The following VPS13B variants were observed in gnomAD, a reference collection of about 807,000 sequenced individuals.
VPS13B encodes the protein intermembrane lipid transfer protein VPS13B.
A neutral mutation model predicts 426.4 loss-of-function variants in VPS13B; 285 were observed. The ratio of observed to expected loss-of-function variants is 0.67; its 90% CI spans 0.61 to 0.74. The LOEUF is 0.74. VPS13B is among the 30% of genes least tolerant of loss of function. VPS13B has a pLI of 0.00. For synonymous variants in VPS13B, 1,676 were observed against 1,676.4 expected, an observed-to-expected ratio of 1.00 and a Z score of 0.01; for missense variants, 4,537 against 4,782.6, an observed-to-expected ratio of 0.95 and a Z score of 1.51.
chr8:99,149,677 C>T (rs1810953051), intron 14 of VPS13B, among the ~76,000 whole-genome samples: 1 of 150,718 alleles, frequency 6.6e-6, no homozygotes, highest in East Asian at 2.0e-4. Flanking sequence ...GATCAGGGGT[C>T]CCCAACTCCT....
chr8:99,106,297 C>T (rs1301441151), intron 5 of VPS13B, among the ~76,000 whole-genome samples: 3 of 151,282 alleles, frequency 2.0e-5, no homozygotes, highest in Non-Finnish European at 4.4e-5. Flanking sequence ...TAGCTGGGCA[C>T]GGTGGCAGGT....
At position 99,478,447 on chromosome 8, in the gene VPS13B, G is replaced by GTTTTTTT. The variant is rs56261645; in HGVS notation, c.3667-3140_3667-3134dup. ...TTTGAGACAGTTGTTTTTTTGTTTT[G>GTTTTTTT]TTTTTTTTTTTTTTTTTTGTTTTTT... On this transcript the variant is annotated intron_variant, in intron 24 of 61. Coordinates refer to ENST00000357162, the MANE Select transcript of VPS13B (RefSeq NM_152564.5). 2.1e-3 allele frequency among the ~76,000 whole-genome samples: 179 copies of GTTTTTTT among 85,730 alleles called. 1 individual carries two copies. The highest frequency in any genetic ancestry group is 2.5e-3 in the Non-Finnish European group (117 of 47,332). 56.2% of individuals were successfully genotyped at this position (85,730 alleles called of 152,430 possible). A position where few individuals can be genotyped will look rare whatever the true frequency, so the allele number is the denominator to read the frequency against.
intron 39 of VPS13B, among the ~76,000 whole-genome samples, chr8:99,731,122 C>A (rs1407704981): frequency 1.3e-5 from 2 of 152,148 alleles, no homozygotes; most frequent in Non-Finnish European, 2.9e-5. Flanking sequence ...GTTTGACTAG[C>A]ACAGGTTAGA....
At position 99,839,102 on chromosome 8, in the gene VPS13B, C is replaced by A. The variant is rs192716905; in HGVS notation, c.9942+3364C>A. 2.6e-5 allele frequency among the ~76,000 whole-genome samples: 4 copies of A among 152,326 alleles called. No homozygotes were observed. The East Asian group carries it at 7.7e-4, about 29-fold the overall frequency. Reference sequence around the variant, plus strand: ...GAAAAGTACTTGCTGAGCCACTGAACTGCAAAGAATGAGTAGTTTGAACCC... The same window carrying A: ...GAAAAGTACTTGCTGAGCCACTGAAATGCAAAGAATGAGTAGTTTGAACCC... On this transcript the variant is annotated intron_variant, in intron 54 of 61. Transcript: ENST00000357162.
intron 19 of VPS13B, among the ~76,000 whole-genome samples, chr8:99,379,930 AATT>A (rs1353193439): frequency 6.6e-5 from 10 of 152,280 alleles, no homozygotes; most frequent in Admixed American, 1.3e-4. Context: ...CTTGAGATTG[AATT>A]ATATATTCCT....
At chr8:99,087,934 A>T (rs1179958546) in intron 3 of VPS13B, among the ~76,000 whole-genome samples, 1 of 152,084 alleles carries the variant, frequency 6.6e-6, no homozygotes, top group African/African-American at 2.4e-5. Context: ...CGGTAAACCC[A>T]GCACTTTGGG....
At chr8:99,132,986 T>G (rs1022736857) in intron 8 of VPS13B, among the ~76,000 whole-genome samples, 14 of 152,192 alleles carry the variant, frequency 9.2e-5, no homozygotes, top group Admixed American at 9.2e-4. Flanking sequence ...GAACACTATC[T>G]TCAACTTAAA....
At chr8:99,037,792 A>G (rs945511483) in intron 2 of VPS13B, among the ~76,000 whole-genome samples, 26 of 151,920 alleles carry the variant, frequency 1.7e-4, no homozygotes, top group African/African-American at 6.3e-4. Flanking sequence ...AAAATTTATG[A>G]CCAAGTAGTA....
chr8:99,370,440 C>CAG (rs1304693079), intron 19 of VPS13B, among the ~76,000 whole-genome samples: 3 of 152,118 alleles, frequency 2.0e-5, no homozygotes, highest in Admixed American at 6.5e-5. Flanking sequence ...GATGAGAATT[C>CAG]AGAGAGAGGC....
At chr8:99,677,134 G>A (rs2129942366) in intron 35 of VPS13B, among the ~76,000 whole-genome samples, 1 of 152,162 alleles carries the variant, frequency 6.6e-6, no homozygotes, top group Admixed American at 6.5e-5. Context: ...AAAAAAAGAA[G>A]CAGCTAATTT....
intron 8 of VPS13B, among the ~76,000 whole-genome samples, chr8:99,132,847 A>C (rs1315153273): frequency 6.6e-6 from 1 of 152,136 alleles, no homozygotes; most frequent in African/African-American, 2.4e-5. Flanking sequence ...CCATAGGCTT[A>C]AAGTATTTAG....
intron 19 of VPS13B, among the ~76,000 whole-genome samples, chr8:99,336,006 A>G (rs1028167761): frequency 1.3e-3 from 194 of 152,308 alleles, no homozygotes; most frequent in Middle Eastern, 3.4e-3. Context: ...CAGAATTGGA[A>G]AAAACTACTT....
In VPS13B at chr8:99,552,517, G is replaced by A. The variant is rs117714597; in HGVS notation, c.4746-3933G>A. On this transcript the variant is annotated intron_variant, in intron 30 of 61. Transcript: ENST00000357162. Reference sequence around the variant, plus strand: ...AACTTCCAAGTCCTGGCTCATGACTGCAAAATCTTGGAACATTGCTTTTTA... The same window carrying A: ...AACTTCCAAGTCCTGGCTCATGACTACAAAATCTTGGAACATTGCTTTTTA... Among the ~76,000 whole-genome samples, 14 of 151,480 alleles carry A rather than the reference G, an allele frequency of 9.2e-5. No homozygotes were observed. The East Asian group carries it at 1.7e-3, about 19-fold the overall frequency.
chr8:99,587,700 C>G (rs1254311245), intron 33 of VPS13B, among the ~76,000 whole-genome samples: 4 of 151,568 alleles, frequency 2.6e-5, no homozygotes, highest in Non-Finnish European at 4.4e-5. Flanking sequence ...TGTTTAAGTT[C>G]TTTGTAGATT....
At position 99,435,682 on chromosome 8, in the gene VPS13B, A is replaced by C. The variant is rs574067945; in HGVS notation, c.3210+4018A>C. ...AGCCAAGTAGACAGTGATTCCTCAG[A>C]GACTTAAGATAAAATCAGCAGGACT... On this transcript the variant is annotated intron_variant, in intron 22 of 61. Coordinates refer to ENST00000357162, the MANE Select transcript of VPS13B (RefSeq NM_152564.5). Among the ~76,000 whole-genome samples the C allele has an allele frequency of 1.5e-3, 225 of 152,318 alleles. 1 individual carries two copies. Among genetic ancestry groups the C allele is most frequent in the African/African-American group, 5.2e-3 (215 of 41,582 alleles).
At chr8:99,315,560 A>T in intron 19 of VPS13B, among the ~76,000 whole-genome samples, 1 of 147,664 alleles carries the variant, frequency 6.8e-6, no homozygotes. Context: ...TCTTTGCATC[A>T]TTTATGTGTG....
At chr8:99,168,552 A>G (rs1169870726) in intron 15 of VPS13B, among the ~76,000 whole-genome samples, 1 of 152,130 alleles carries the variant, frequency 6.6e-6, no homozygotes, top group Non-Finnish European at 1.5e-5. Flanking sequence ...TAATAACTGT[A>G]AATTCCAGAA....
rs576890273 is a variant in VPS13B at position 99,851,533 on chromosome 8, T to A, written c.10062-1918T>A. On this transcript the variant is annotated intron_variant, in intron 55 of 61. Transcript: ENST00000357162. ...AAGTGTAGTTTTAAACAAATTGGTGTAGGTAAGCTGCACTGAGAAGTTGAT... is the reference window on the plus strand; with the variant it reads ...AAGTGTAGTTTTAAACAAATTGGTGAAGGTAAGCTGCACTGAGAAGTTGAT... 2.0e-5 allele frequency among the ~76,000 whole-genome samples: 3 copies of A among 152,176 alleles called. No homozygotes were observed. In the South Asian group the frequency reaches 6.2e-4, roughly 32 times the overall value.
At chr8:99,425,528 A>T (rs187307506) in intron 21 of VPS13B, among the ~76,000 whole-genome samples, 1 of 152,212 alleles carries the variant, frequency 6.6e-6, no homozygotes, top group African/African-American at 2.4e-5. Flanking sequence ...CTTCATACTA[A>T]AAACTCTCAA....
Sources: gnomAD v4.1 joint callset for allele counts (sites outside exome capture counted in the v4.1 genomes callset) on GRCh38, gnomAD v4.1.1 for gene constraint, MANE v1.5 for transcripts, NCBI Gene and HGNC (gene_info 2026-07-23, HGNC 2026-07-21) for gene names.